The following LRIG3 variants were observed in gnomAD, a reference collection of about 807,000 sequenced individuals.
The protein encoded by LRIG3 is leucine rich repeats and immunoglobulin like domains 3.
Under a neutral mutation model 114.5 loss-of-function variants are expected in LRIG3, and 76 were observed. The observed-to-expected ratio is 0.66, with a 90% CI of 0.55 to 0.80. LRIG3 has a LOEUF of 0.80. Ranked by LOEUF, LRIG3 falls within the 30% of genes least tolerant of loss-of-function variation. The pLI, the probability that LRIG3 is intolerant of heterozygous loss-of-function variation, is 0.00. For missense variants in LRIG3, 1,239 were observed against 1,382.8 expected (o/e 0.90, Z 1.65); for synonymous variants, 512 against 519.8 (o/e 0.98, Z 0.20).
intron 12 of LRIG3, among the ~76,000 whole-genome samples, chr12:58,881,305 T>C (rs1312946950): frequency 1.3e-5 from 2 of 151,004 alleles, no homozygotes; most frequent in Non-Finnish European, 1.5e-5. Flanking sequence ...CCCCAGATAA[T>C]GAGCAGCAAA....
chr12:58,876,046 C>T (rs991645232), intron 16 of LRIG3, among the ~76,000 whole-genome samples: 3 of 152,070 alleles, frequency 2.0e-5, no homozygotes, highest in East Asian at 1.9e-4. Flanking sequence ...AGCGAGACTT[C>T]GTCTCAAATA....
chr12:58,908,149 C>A (rs553948613), intron 3 of LRIG3, among the ~76,000 whole-genome samples: 7 of 152,288 alleles, frequency 4.6e-5, no homozygotes, highest in African/African-American at 1.7e-4. Context: ...TGTGATGGAA[C>A]CACATCTCGC....
At chr12:58,888,293 C>T in intron 7 of LRIG3, 36 bp downstream of exon 7, 1 of 1,600,034 alleles carries the variant, frequency 6.2e-7, no homozygotes, top group Non-Finnish European at 8.6e-7. Flanking sequence ...GATCCCTGCT[C>T]TCAAACCTGA....
At chr12:58,887,673 A>G (rs1871319025) in intron 8 of LRIG3, 116 bp downstream of exon 8, 1 of 1,050,646 alleles carries the variant, frequency 9.5e-7, no homozygotes, top group African/African-American at 1.6e-5. Context: ...AGATTAAGAT[A>G]CTACTTCTGA....
chr12:58,919,347 T>C, intron 1 of LRIG3: 2 of 1,542,718 alleles, frequency 1.3e-6, no homozygotes, highest in Non-Finnish European at 1.8e-6. Flanking sequence ...AATCACGCCC[T>C]TGATTCTGGA....
chr12:58,895,083 A>C (rs1245820577), intron 3 of LRIG3, among the ~76,000 whole-genome samples: 1 of 152,178 alleles, frequency 6.6e-6, no homozygotes. Flanking sequence ...TGCCTATTTC[A>C]CTTTTCAGCC....
Position 58,872,524 on chromosome 12 carries a change from A to G in LRIG3, c.*48T>C. 2 of 1,485,644 alleles carry G rather than the reference A, an allele frequency of 1.3e-6. No individual in the cohort carries two copies. Among genetic ancestry groups the G allele is most frequent in the South Asian group, 2.9e-5 (2 of 68,468 alleles). 92.0% of individuals were successfully genotyped at this position (1,485,644 alleles called of 1,614,324 possible). ...TAAGATTCTCTCTCTTTTAAATAAA[A>G]GTTCACTTGAGGTAGTATGTTAAGC... On this transcript the variant is annotated 3_prime_UTR_variant, in exon 19 of 19. Coordinates refer to ENST00000320743, the MANE Select transcript of LRIG3 (RefSeq NM_153377.5).
At position 58,877,442 on chromosome 12, in the gene LRIG3, G is replaced by A. The variant is rs756683559; in HGVS notation, c.2494C>T (p.His832Tyr). 1 of 1,614,096 alleles carries A rather than the reference G, an allele frequency of 6.2e-7. No homozygotes were observed. The highest frequency in any genetic ancestry group is 8.5e-7 in the Non-Finnish European group (1 of 1,179,994). Reference sequence around the variant, plus strand: ...CAATCTTCATTCCTCCGCCTTGTGTGGTATATGATGACCACCCACACGAGT... The same window carrying A: ...CAATCTTCATTCCTCCGCCTTGTGTAGTATATGATGACCACCCACACGAGT... ...TSLVWVVIIY[H>Y]TRRRNEDCSI... Residue 832 changes from histidine (H) to tyrosine (Y), a missense_variant, in exon 15 of 19, where the codon CAC (histidine) becomes TAC (tyrosine). His to Tyr is a moderately conservative substitution (Grantham distance 83, BLOSUM62 2). Transcript: ENST00000320743.
intron 5 of LRIG3, among the ~76,000 whole-genome samples, 194 bp from the exon 6 acceptor site, chr12:58,889,156 A>G (rs1871370894): frequency 6.6e-6 from 1 of 152,322 alleles, no homozygotes; most frequent in Non-Finnish European, 1.5e-5. Flanking sequence ...GAAATGTGTC[A>G]TGTGTTTTTG....
chr12:58,902,371 T>C (rs1319012807), intron 3 of LRIG3, among the ~76,000 whole-genome samples: 1 of 152,172 alleles, frequency 6.6e-6, no homozygotes, highest in Admixed American at 6.5e-5. Flanking sequence ...AGTCGGAGAA[T>C]GTCTACTATG....
chr12:58,873,905 G>A, intron 18 of LRIG3, 150 bp downstream of exon 18: 1 of 869,352 alleles, frequency 1.2e-6, no homozygotes. Context: ...TGCTTTTGGA[G>A]GCATTTACAC....
Position 58,920,056 on chromosome 12 carries a change from G to A in LRIG3, c.180C>T (p.Cys60=), listed in dbSNP as rs773841425. ...TCRCLGDLLD[C]SRKRLARLPE... ...GAAGACGCGCTAGCCGCTTACGACT[G>A]CAGTCCAGCAGGTCCCCGAGGCAGC... Residue 60 remains cysteine (C), a synonymous_variant, in exon 1 of 19, where the codon TGC becomes TGT. Transcript: ENST00000320743. The A allele has an allele frequency of 5.1e-6, 8 of 1,555,216 alleles. No homozygotes were observed. The Admixed American group carries it at 1.4e-4, about 27-fold the overall frequency.
In LRIG3 at chr12:58,919,984, C is replaced by G. The variant is rs1167241675; in HGVS notation, c.236+16G>C. 20 of 1,549,332 alleles carry G rather than the reference C, an allele frequency of 1.3e-5. No individual in the cohort carries two copies. The South Asian group carries it at 2.3e-4, about 18-fold the overall frequency. On this transcript the variant is annotated intron_variant, in intron 1 of 18. Coordinates refer to ENST00000320743, the MANE Select transcript of LRIG3 (RefSeq NM_153377.5). The stretch of plus-strand genomic sequence containing the variant: ...CAGCGGCCCGGGCCCCCTCCCCCCG[C>G]GGGAAGAATACTTACAGCCGAGCGA...
chr12:58,900,018 C>G (rs1053643375), intron 3 of LRIG3, among the ~76,000 whole-genome samples: 2 of 152,138 alleles, frequency 1.3e-5, no homozygotes, highest in East Asian at 3.9e-4. Context: ...GAAGATGTTG[C>G]CCCCCCTCAA....
Position 58,883,602 on chromosome 12 carries a change from A to C in LRIG3, c.1245-11T>G. 2 of 1,535,090 alleles carry C rather than the reference A, an allele frequency of 1.3e-6. No homozygotes were observed. Among genetic ancestry groups the C allele is most frequent in the Non-Finnish European group, 1.8e-6 (2 of 1,125,176 alleles). ...TTGTCACTCAGGTCTCTGAAAAATC[A>C]CCAAATCAAATGCATCAGAGCAAAC... On this transcript the variant is annotated splice_polypyrimidine_tract_variant and intron_variant, in intron 10 of 18. Coordinates refer to ENST00000320743, the MANE Select transcript of LRIG3 (RefSeq NM_153377.5).
At chr12:58,875,863 A>C (rs1186483759) in intron 16 of LRIG3, among the ~76,000 whole-genome samples, 1 of 152,176 alleles carries the variant, frequency 6.6e-6, no homozygotes, top group Non-Finnish European at 1.5e-5. Context: ...AACATGGCAA[A>C]ACCCCATCTC....
rs1399796794 is a variant in LRIG3 at position 58,920,300 on chromosome 12, A to G, written c.-65T>C. ...CCGGCGCGCGCTCGGGGCCCGGCAC[A>G]AACTTCCAGCCGAGGGTGCACGCCC... is the stretch of plus-strand genomic sequence containing the variant. On this transcript the variant is annotated 5_prime_UTR_variant, in exon 1 of 19. Transcript: ENST00000320743. 1.2e-5 allele frequency: 15 copies of G among 1,236,936 alleles called. No individual in the cohort carries two copies. In the African/African-American group the frequency reaches 1.9e-4, roughly 16 times the overall value. 76.6% of individuals were successfully genotyped at this position (1,236,936 alleles called of 1,614,324 possible). A position where few individuals can be genotyped will look rare whatever the true frequency, so the allele number is the denominator to read the frequency against.
rs934827234 is a variant in LRIG3, at chr12:58,874,052, T to C, written c.3115+3A>G. 6.2e-7 allele frequency: 1 copy of C among 1,614,102 alleles called. No homozygotes were observed. The highest frequency in any genetic ancestry group is 8.5e-7 in the Non-Finnish European group (1 of 1,180,002). On this transcript the variant is annotated splice_donor_region_variant and intron_variant, in intron 18 of 18. Transcript: ENST00000320743. Reference sequence around the variant, plus strand: ...GAGGTACCTGATAACTTAATAAACTTACCCATGAAAGAATTACTCGAGGCA... The same window carrying C: ...GAGGTACCTGATAACTTAATAAACTCACCCATGAAAGAATTACTCGAGGCA...
At position 58,874,257 on chromosome 12, in the gene LRIG3, G is replaced by T. The variant is rs1450347222; in HGVS notation, c.2913C>A (p.Tyr971Ter). The part of the protein sequence containing the change: ...EPSYIKKKEC[Y>*]PCSHPSEESC... ...ATTCTTCTGAAGGATGAGAACATGG[G>T]TAGCACTCCTTTTTCTTTATGTAAC... The change falls in exon 18 of 19, where the codon TAC (tyrosine) becomes TAA (stop). Residue 971 changes from tyrosine (Y) to a stop codon, truncating the protein, a stop_gained. Coordinates refer to ENST00000320743, the MANE Select transcript of LRIG3 (RefSeq NM_153377.5). LOFTEE classifies it high-confidence loss of function. 1 of 1,614,124 alleles carries T rather than the reference G, an allele frequency of 6.2e-7. No individual in the cohort carries two copies. The highest frequency in any genetic ancestry group is 1.7e-5 in the Admixed American group (1 of 60,000).
Sources: allele counts gnomAD v4.1 joint callset (sites outside exome capture counted in the v4.1 genomes callset), GRCh38; gene constraint gnomAD v4.1.1; transcripts MANE v1.5; gene names NCBI Gene and HGNC (gene_info 2026-07-23, HGNC 2026-07-21).